PCDH15: variants seen among roughly 807,000 people sequenced by gnomAD.
PCDH15 encodes the protein protocadherin related 15.
PCDH15 carries 129 observed loss-of-function variants against 178.5 expected under a neutral mutation model. The observed-to-expected ratio is 0.72, with a 90% CI of 0.63 to 0.84. The LOEUF (loss-of-function observed/expected upper bound fraction) is 0.84, where lower values mean the gene tolerates loss of function less well. PCDH15 is among the 40% of genes least tolerant of loss of function. PCDH15 has a pLI of 0.00. For synonymous variants in PCDH15, 800 were observed against 732.0 expected, an observed-to-expected ratio of 1.09 and a Z score of -1.50; for missense variants, 2,230 against 2,099.9, an observed-to-expected ratio of 1.06 and a Z score of -1.21.
At chr10:55,298,825 A>G (rs4935588) in intron 1 of PCDH15, among the ~76,000 whole-genome samples, 30,207 of 152,040 alleles carry the variant, frequency 0.2, 4,699 homozygotes, top group African/African-American at 0.43. Flanking sequence ...TGATCTGCCC[A>G]CCTTGGCCTC....
At chr10:54,032,864 G>A (rs1233446671) in intron 18 of PCDH15, among the ~76,000 whole-genome samples, 1 of 151,920 alleles carries the variant, frequency 6.6e-6, no homozygotes, top group Non-Finnish European at 1.5e-5. Context: ...CATGGTGGAT[G>A]GTGAAGGGGA....
At chr10:55,108,453 CAAAT>C (rs1837413234) in intron 2 of PCDH15, among the ~76,000 whole-genome samples, 1 of 151,946 alleles carries the variant, frequency 6.6e-6, no homozygotes, top group African/African-American at 2.4e-5. Context: ...AAGCAGAACA[CAAAT>C]GACTAAATAT....
chr10:55,055,873 A>T (rs1841286520), intron 2 of PCDH15, among the ~76,000 whole-genome samples: 1 of 152,096 alleles, frequency 6.6e-6, no homozygotes, highest in African/African-American at 2.4e-5. Flanking sequence ...TAAAATATAG[A>T]CTGGCAAATA....
At chr10:53,810,873 A>G (rs763229586) in intron 36 of PCDH15, among the ~76,000 whole-genome samples, 3 of 152,178 alleles carry the variant, frequency 2.0e-5, no homozygotes, top group Non-Finnish European at 4.4e-5. Context: ...GGTACCCTGG[A>G]ATAACAATAA....
intron 2 of PCDH15, among the ~76,000 whole-genome samples, chr10:54,952,751 A>C (rs1838377678): frequency 6.6e-6 from 1 of 151,650 alleles, no homozygotes; most frequent in African/African-American, 2.4e-5. Flanking sequence ...ATTTTCTTGG[A>C]TCTTATGTCA....
At chr10:54,351,617 A>G (rs1944195542) in intron 5 of PCDH15, among the ~76,000 whole-genome samples, 1 of 152,162 alleles carries the variant, frequency 6.6e-6, no homozygotes, top group Non-Finnish European at 1.5e-5. Context: ...TACTGTATCC[A>G]CATCCTCATC....
chr10:53,847,616 G>C (rs555030911), intron 28 of PCDH15, among the ~76,000 whole-genome samples: 53 of 152,174 alleles, frequency 3.5e-4, no homozygotes, highest in African/African-American at 1.1e-3. Context: ...TTTTGTCCCA[G>C]AAGAGATATG....
intron 26 of PCDH15, among the ~76,000 whole-genome samples, chr10:53,882,805 A>T (rs375308679): frequency 2.1e-4 from 32 of 152,286 alleles, no homozygotes; most frequent in Admixed American, 9.2e-4. Context: ...AATCATTTAC[A>T]TCTAATTATT....
At chr10:55,550,200 G>A (rs2132086892) in intron 2 of PCDH15, among the ~76,000 whole-genome samples, 1 of 152,184 alleles carries the variant, frequency 6.6e-6, no homozygotes, top group South Asian at 2.1e-4. Context: ...CTTATCTATT[G>A]TATTCTTCTA....
chr10:55,425,723 G>C lies in PCDH15; in HGVS notation c.-156+201902C>G, dbSNP rs1043728850. 2.0e-5 allele frequency among the ~76,000 whole-genome samples: 3 copies of C among 151,990 alleles called. 1 individual carries two copies. The highest frequency in any genetic ancestry group is 7.2e-5 in the African/African-American group (3 of 41,404). On this transcript the variant is annotated intron_variant, in intron 2 of 5. Coordinates refer to the PCDH15 transcript ENST00000613346. ...ACTTCTGATATCTGAATCAGCAGTG[G>C]CTTTTATTCTAAAACTTTTTCAAAG...
chr10:54,267,715 A>C (rs2057784223), intron 8 of PCDH15, among the ~76,000 whole-genome samples: 1 of 151,870 alleles, frequency 6.6e-6, no homozygotes, highest in Non-Finnish European at 1.5e-5. Flanking sequence ...GAATACCTCT[A>C]ACCAAGGAGG....
intron 28 of PCDH15, among the ~76,000 whole-genome samples, chr10:53,848,726 A>C (rs1031441341): frequency 4.6e-5 from 7 of 152,066 alleles, no homozygotes; most frequent in Non-Finnish European, 1.0e-4. Context: ...TAAAATTTTG[A>C]AGCACAATTC....
chr10:54,973,358 T>C (rs1838984770), intron 2 of PCDH15, among the ~76,000 whole-genome samples: 1 of 152,220 alleles, frequency 6.6e-6, no homozygotes, highest in Non-Finnish European at 1.5e-5. Flanking sequence ...TAATTCCTTA[T>C]ATATACCATT....
At chr10:54,776,144 G>A (rs1265041336) in intron 1 of PCDH15, among the ~76,000 whole-genome samples, 2 of 152,062 alleles carry the variant, frequency 1.3e-5, no homozygotes, top group Non-Finnish European at 2.9e-5. Flanking sequence ...ATGTGTATAT[G>A]TGTCATATTT....
At chr10:54,428,959 GA>G (rs1956630653) in intron 3 of PCDH15, among the ~76,000 whole-genome samples, 2 of 152,192 alleles carry the variant, frequency 1.3e-5, no homozygotes, top group Non-Finnish European at 2.9e-5. Flanking sequence ...GGTTGTTAGT[GA>G]GCAAGAATAA....
chr10:54,346,606 C>A, intron 5 of PCDH15, 122 bp from the exon 6 acceptor site: 1 of 1,105,244 alleles, frequency 9.0e-7, no homozygotes. Flanking sequence ...AGCCCACAAC[C>A]ACAAACTGAA....
chr10:53,892,171 C>G (rs1046351869), intron 26 of PCDH15, among the ~76,000 whole-genome samples: 21 of 151,900 alleles, frequency 1.4e-4, no homozygotes, highest in African/African-American at 4.3e-4. Context: ...ATTACAGGCG[C>G]CTGCCACTGC....
chr10:55,436,781 G>C (rs1484966417), intron 2 of PCDH15, among the ~76,000 whole-genome samples: 2 of 152,142 alleles, frequency 1.3e-5, no homozygotes, highest in East Asian at 3.9e-4. Flanking sequence ...TTTCAGTTAG[G>C]TATATTTTGT....
At position 53,822,752 on chromosome 10, in the gene PCDH15, T is replaced by G. The variant is rs147993163; in HGVS notation, c.4368-2522A>C. ...GCCTGGGAAAGCAAAATGAAGAGTC[T>G]GAAGAGAGAGATTTCAACTGTTCTG... On this transcript the variant is annotated intron_variant, in intron 32 of 37. Transcript: ENST00000644397. The G allele has an allele frequency of 5.0e-4, 815 of 1,613,998 alleles. No homozygotes were observed. Among genetic ancestry groups the G allele is most frequent in the Non-Finnish European group, 6.6e-4 (778 of 1,179,986 alleles).
Sources: allele counts gnomAD v4.1 joint callset (sites outside exome capture counted in the v4.1 genomes callset), GRCh38; gene constraint gnomAD v4.1.1; transcripts MANE v1.5; gene names NCBI Gene and HGNC (gene_info 2026-07-23, HGNC 2026-07-21).